DGKB: variants seen among roughly 807,000 people sequenced by gnomAD.
DGKB encodes 90 kDa diacylglycerol kinase.
In DGKB, 67 loss-of-function variants were observed where a neutral mutation model predicts 114.3. The observed-to-expected ratio is 0.59, with a 90% confidence interval of 0.48 to 0.72. The LOEUF (loss-of-function observed/expected upper bound fraction) is 0.72. Ranked by LOEUF, DGKB falls within the 30% of genes least tolerant of loss-of-function variation. The pLI is 0.00. For synonymous variants in DGKB, 398 were observed against 323.1 expected (o/e 1.23, Z -2.49); for missense variants, 907 against 975.2 (o/e 0.93, Z 0.93).
intron 23 of DGKB, among the ~76,000 whole-genome samples, chr7:14,267,680 G>A (rs187224722): frequency 2.6e-5 from 4 of 151,888 alleles, no homozygotes; most frequent in African/African-American, 9.7e-5. Flanking sequence ...TAGCAGAGAC[G>A]GGGTTTTACC....
At position 14,176,857 on chromosome 7, in the gene DGKB, C is replaced by A; in HGVS notation, c.2286G>T (p.Trp762Cys). ...SLPMQIDGEPWMQTPCTIKIT... is the reference protein window; with the variant it reads ...SLPMQIDGEPCMQTPCTIKIT... ...TACTCACTGTGCATGGGGTCTGCAT[C>A]CATGGCTCCCCATCAATTTGCATTG... is the stretch of plus-strand genomic sequence containing the variant. Residue 762 changes from tryptophan (W) to cysteine (C), a missense_variant, in exon 25 of 26, where the codon TGG becomes TGT. Trp to Cys is a radical substitution (Grantham distance 215). Transcript: ENST00000402815. The A allele has an allele frequency of 6.2e-7, 1 of 1,613,824 alleles. No individual in the cohort carries two copies. The highest frequency in any genetic ancestry group is 8.5e-7 in the Non-Finnish European group (1 of 1,179,768).
chr7:14,633,915 G>A (rs1810237431), intron 13 of DGKB, among the ~76,000 whole-genome samples: 1 of 151,344 alleles, frequency 6.6e-6, no homozygotes, highest in African/African-American at 2.4e-5. Context: ...TTATTCTTAA[G>A]TATTAGGATA....
In DGKB at chr7:14,149,257, AG is replaced by A; in HGVS notation, c.2305-20del. The A allele has an allele frequency of 1.1e-5, 18 of 1,568,666 alleles. No homozygotes were observed. Among genetic ancestry groups the A allele is most frequent in the Non-Finnish European group, 1.6e-5 (18 of 1,142,828 alleles). ...TTTTTATCTAGAAAAAAAGAGAGAG[AG>A]AGAGAGAGAAAGAATAGAGTAATCT... is the stretch of plus-strand genomic sequence containing the variant. On this transcript the variant is annotated intron_variant, in intron 25 of 25. Coordinates refer to ENST00000402815, the MANE Select transcript of DGKB (RefSeq NM_001350709.2).
intron 17 of DGKB, among the ~76,000 whole-genome samples, chr7:14,593,486 A>G (rs1480401445): frequency 1.3e-5 from 2 of 151,988 alleles, no homozygotes; most frequent in African/African-American, 4.8e-5. Context: ...GTCATTTCTG[A>G]GTGAATAGAA....
intron 23 of DGKB, among the ~76,000 whole-genome samples, chr7:14,187,071 T>C (rs1783555108): frequency 6.6e-6 from 1 of 152,166 alleles, no homozygotes; most frequent in Non-Finnish European, 1.5e-5. Flanking sequence ...AAAAAAGTGC[T>C]ACAAAGGAAT....
chr7:14,747,775 G>GCGCGCGTGCGCGCGCGCGCACACACA, intron 4 of DGKB, among the ~76,000 whole-genome samples: 1 of 149,178 alleles, frequency 6.7e-6, no homozygotes, highest in African/African-American at 2.5e-5. Flanking sequence ...ACATCCACGC[G>GCGCGCGTGCGCGCGCGCGCACACACA]CACGCACACA....
chr7:14,207,914 C>T (rs1405357192), intron 23 of DGKB, among the ~76,000 whole-genome samples: 2 of 151,960 alleles, frequency 1.3e-5, no homozygotes, highest in Non-Finnish European at 2.9e-5. Flanking sequence ...TATGACTTGT[C>T]AGCACAATTT....
chr7:14,635,479 A>C (rs1213367305), intron 13 of DGKB, among the ~76,000 whole-genome samples: 2 of 151,402 alleles, frequency 1.3e-5, no homozygotes, highest in African/African-American at 4.8e-5. Context: ...TGTTTTCCTC[A>C]ATTATAGAAA....
At chr7:14,615,582 G>A (rs1377254213) in intron 15 of DGKB, among the ~76,000 whole-genome samples, 3 of 151,724 alleles carry the variant, frequency 2.0e-5, no homozygotes, top group Non-Finnish European at 3.0e-5. Context: ...CAGATTAAAT[G>A]TATTAGAAAA....
At chr7:14,756,358 T>A (rs899673110) in intron 3 of DGKB, among the ~76,000 whole-genome samples, 2 of 151,426 alleles carry the variant, frequency 1.3e-5, no homozygotes, top group Non-Finnish European at 2.9e-5. Context: ...TAGCTGCTAA[T>A]TTTTTTTTCC....
At chr7:14,449,831 T>C (rs1831220313) in intron 21 of DGKB, among the ~76,000 whole-genome samples, 1 of 152,106 alleles carries the variant, frequency 6.6e-6, no homozygotes, top group African/African-American at 2.4e-5. Flanking sequence ...CATTGTCTCT[T>C]GTATCAAAAT....
chr7:14,756,501 T>C (rs920759503), intron 3 of DGKB, among the ~76,000 whole-genome samples: 1 of 151,986 alleles, frequency 6.6e-6, no homozygotes, highest in Non-Finnish European at 1.5e-5. Context: ...CAAATATTAA[T>C]TTTATTTTTT....
chr7:14,533,656 CAA>C (rs1563427292), intron 20 of DGKB, among the ~76,000 whole-genome samples: 1 of 151,708 alleles, frequency 6.6e-6, no homozygotes, highest in African/African-American at 2.4e-5. Flanking sequence ...AAGGCAAAGA[CAA>C]AGAGAGAATT....
chr7:14,242,988 T>C (rs1793911585), intron 23 of DGKB, among the ~76,000 whole-genome samples: 1 of 151,986 alleles, frequency 6.6e-6, no homozygotes, highest in Non-Finnish European at 1.5e-5. Flanking sequence ...GGTGACAGTA[T>C]GAAGATTGGA....
In DGKB at chr7:14,472,134, T is replaced by A. The variant is rs112167916; in HGVS notation, c.1835+6027A>T. ...AATTTGAATTGAATCACTGAAATCA[T>A]GCTATGACTAGATTTTTAAGAAATC... On this transcript the variant is annotated intron_variant, in intron 21 of 25. Coordinates refer to ENST00000402815, the MANE Select transcript of DGKB (RefSeq NM_001350709.2). Among the ~76,000 whole-genome samples, 1,339 of 152,322 alleles carry A rather than the reference T, an allele frequency of 8.8e-3. 20 individuals carry two copies. Among genetic ancestry groups the A allele is most frequent in the African/African-American group, 0.031 (1,284 of 41,574 alleles).
At chr7:14,848,264 G>A (rs1257073281) in intron 1 of DGKB, among the ~76,000 whole-genome samples, 1 of 152,172 alleles carries the variant, frequency 6.6e-6, no homozygotes, top group Non-Finnish European at 1.5e-5. Context: ...AAATGAATAG[G>A]ATAAGTTCTG....
At chr7:14,945,489 T>C (rs1016978496) in intron 1 of DGKB, among the ~76,000 whole-genome samples, 16 of 151,872 alleles carry the variant, frequency 1.1e-4, no homozygotes, top group Admixed American at 7.3e-4. Context: ...GTACTTACAA[T>C]ATTAAAAACT....
intron 12 of DGKB, among the ~76,000 whole-genome samples, chr7:14,678,355 T>C (rs1392512911): frequency 6.6e-6 from 1 of 152,050 alleles, no homozygotes; most frequent in African/African-American, 2.4e-5. Context: ...AGAATCAAGA[T>C]ATATTAGCGT....
intron 1 of DGKB, among the ~76,000 whole-genome samples, chr7:14,915,182 T>A (rs965385923): frequency 6.6e-6 from 1 of 152,032 alleles, no homozygotes; most frequent in Admixed American, 6.6e-5. Context: ...GCCTGGGAAA[T>A]ACAGCAAGAC....
Sources: gnomAD v4.1 joint callset for allele counts (sites outside exome capture counted in the v4.1 genomes callset) on GRCh38, gnomAD v4.1.1 for gene constraint, MANE v1.5 for transcripts, NCBI Gene and HGNC (gene_info 2026-07-23, HGNC 2026-07-21) for gene names.